PDS5B: variants seen among roughly 807,000 people sequenced by gnomAD.
The protein encoded by PDS5B is PDS5 cohesin associated factor B.
PDS5B carries 51 observed loss-of-function variants against 184.1 expected under a neutral mutation model. The ratio of observed to expected loss-of-function variants is 0.28; its 90% confidence interval spans 0.22 to 0.35. The LOEUF is 0.35. Among genes scored for constraint, PDS5B ranks in the 10% least tolerant of loss-of-function variants. PDS5B has a pLI of 1.00. For missense variants in PDS5B, 1,180 were observed against 1,723.3 expected (o/e 0.68, Z 5.58); for synonymous variants, 566 against 569.2 (o/e 0.99, Z 0.08).
intron 1 of PDS5B, among the ~76,000 whole-genome samples, chr13:32,640,085 G>A (rs1469341269): frequency 1.3e-5 from 2 of 151,886 alleles, no homozygotes; most frequent in Non-Finnish European, 2.9e-5. Flanking sequence ...ACAGTCTCTT[G>A]TTTAGTTACA....
chr13:32,696,640 A>G (rs919677524), intron 14 of PDS5B, among the ~76,000 whole-genome samples: 11 of 152,082 alleles, frequency 7.2e-5, no homozygotes, highest in Non-Finnish European at 2.9e-5. Context: ...CAACAGGGTG[A>G]GGGAAGACAT....
At chr13:32,608,845 G>A (rs764719729) in intron 1 of PDS5B, among the ~76,000 whole-genome samples, 1 of 152,186 alleles carries the variant, frequency 6.6e-6, no homozygotes, top group Non-Finnish European at 1.5e-5. Flanking sequence ...CACCGAAGGT[G>A]AACCAAAAGA....
intron 21 of PDS5B, among the ~76,000 whole-genome samples, chr13:32,738,684 C>CT (rs1307130785): frequency 5.4e-5 from 8 of 148,746 alleles, no homozygotes; most frequent in Non-Finnish European, 9.0e-5. Flanking sequence ...CTTTTTTTTT[C>CT]TTTTTGAGAT....
intron 14 of PDS5B, among the ~76,000 whole-genome samples, chr13:32,694,623 C>T (rs1208521026): frequency 6.6e-6 from 1 of 151,752 alleles, no homozygotes; most frequent in African/African-American, 2.4e-5. Context: ...AAAGAAATTG[C>T]ACTTTATGTT....
chr13:32,731,293 A>G (rs1162716873), intron 19 of PDS5B, among the ~76,000 whole-genome samples: 1 of 152,146 alleles, frequency 6.6e-6, no homozygotes, highest in Admixed American at 6.5e-5. Flanking sequence ...AGATGTTTGT[A>G]TAATAGTTTA....
At chr13:32,625,837 T>G (rs1268707169) in intron 1 of PDS5B, among the ~76,000 whole-genome samples, 1 of 135,702 alleles carries the variant, frequency 7.4e-6, no homozygotes, top group Non-Finnish European at 1.6e-5. Context: ...AGACCAGTAT[T>G]CTTTTTTTTT....
In PDS5B at chr13:32,683,974, T is replaced by C. The variant is rs1188449989; in HGVS notation, c.1154T>C (p.Val385Ala). The change falls in exon 11 of 35, where the codon GTC becomes GCC. Residue 385 changes from valine to alanine, a missense_variant. Physicochemically the swap from Val to Ala is moderately conservative, Grantham distance 64 (BLOSUM62 0). This residue lies in a region of PDS5B where 475 missense variants were observed against 691.5 expected (regional missense o/e 0.69). Coordinates refer to ENST00000315596, the MANE Select transcript of PDS5B (RefSeq NM_015032.4). ...GCTGCTAAAAAGGATATTCTTCTGG[T>C]CAATGATCACTTACTTAATTTTGTG... ...VTAAKKDILLVNDHLLNFVRE... is the reference protein window; with the variant it reads ...VTAAKKDILLANDHLLNFVRE... The C allele has an allele frequency of 6.3e-7, 1 of 1,587,208 alleles. No individual in the cohort carries two copies. Among genetic ancestry groups the C allele is most frequent in the South Asian group, 1.1e-5 (1 of 89,524 alleles).
intron 33 of PDS5B, among the ~76,000 whole-genome samples, chr13:32,772,143 G>A (rs1013451291): frequency 3.3e-5 from 5 of 151,916 alleles, no homozygotes; most frequent in Non-Finnish European, 4.4e-5. Context: ...CATTAATCTC[G>A]AAAAACCAAA....
intron 1 of PDS5B, among the ~76,000 whole-genome samples, chr13:32,602,803 A>G (rs1384242781): frequency 2.0e-5 from 3 of 152,054 alleles, no homozygotes; most frequent in African/African-American, 7.2e-5. Context: ...CGGGTGTGAC[A>G]TGGTATTTCA....
At chr13:32,699,005 G>A (rs1202725084) in intron 15 of PDS5B, among the ~76,000 whole-genome samples, 3 of 151,938 alleles carry the variant, frequency 2.0e-5, no homozygotes, top group East Asian at 3.8e-4. Flanking sequence ...CTCCTGCCTC[G>A]GCCTCACAAA....
In PDS5B at chr13:32,753,471, G is replaced by A; in HGVS notation, c.2876G>A (p.Arg959Lys). 1 of 1,613,926 alleles carries A rather than the reference G, an allele frequency of 6.2e-7. No homozygotes were observed. Residue 959 changes from arginine to lysine, a missense_variant, in exon 25 of 35, where the codon AGG becomes AAG. By Grantham distance (26) the Arg-to-Lys change is conservative. Coordinates refer to ENST00000315596, the MANE Select transcript of PDS5B (RefSeq NM_015032.4). ...GTAAAGGAGAGAAGAGCTCATGCTA[G>A]GCAATGTTTGGTGAAAAATATAAAT... The part of the protein sequence containing the change: ...DPVKERRAHA[R>K]QCLVKNINVR...
chr13:32,732,279 TA>T, intron 20 of PDS5B, 55 bp downstream of exon 20: 2 of 1,216,504 alleles, frequency 1.6e-6, no homozygotes, highest in South Asian at 2.7e-5. Flanking sequence ...ACAAAACAAA[TA>T]TTGATGATTT....
intron 1 of PDS5B, among the ~76,000 whole-genome samples, chr13:32,608,569 T>C (rs1285050426): frequency 2.6e-5 from 4 of 152,188 alleles, no homozygotes; most frequent in African/African-American, 4.8e-5. Context: ...GAAGGGACGA[T>C]AGACATGAAG....
intron 13 of PDS5B, among the ~76,000 whole-genome samples, chr13:32,691,734 G>A (rs117491256): frequency 0.013 from 2,023 of 152,240 alleles, 22 homozygotes; most frequent in Non-Finnish European, 0.019. Flanking sequence ...ATAGCTAGGA[G>A]TGGAGTTTCT....
chr13:32,677,216 T>C (rs906103389), intron 9 of PDS5B, among the ~76,000 whole-genome samples: 7 of 152,026 alleles, frequency 4.6e-5, no homozygotes, highest in Non-Finnish European at 1.0e-4. Flanking sequence ...TTCTTTTAAA[T>C]ACAATGGAAA....
chr13:32,692,868 A>G (rs1951595671), intron 13 of PDS5B, among the ~76,000 whole-genome samples: 1 of 149,488 alleles, frequency 6.7e-6, no homozygotes, highest in South Asian at 2.1e-4. Flanking sequence ...TAAACATGTT[A>G]TAATACAAGT....
rs575547797 is a variant in PDS5B, at chr13:32,742,642, C to T, written c.2527C>T (p.His843Tyr). ...VRWLLGMKNN[H>Y]SKSGTSTLRL... ...ATGGCTACTTGGAATGAAAAATAAT[C>T]ACAGTAAATCAGGAACTTCTACCTT... is the stretch of plus-strand genomic sequence containing the variant. The change falls in exon 23 of 35, where the codon CAC becomes TAC. Residue 843 changes from histidine to tyrosine, a missense_variant. By Grantham distance (83) the His-to-Tyr change is moderately conservative (BLOSUM62 2). Transcript: ENST00000315596. 1.6e-5 allele frequency: 26 copies of T among 1,610,626 alleles called. No individual in the cohort carries two copies. Among genetic ancestry groups the T allele is most frequent in the Admixed American group, 1.0e-4 (6 of 59,940 alleles).
At chr13:32,638,609 C>G (rs2058603526) in intron 1 of PDS5B, among the ~76,000 whole-genome samples, 1 of 151,924 alleles carries the variant, frequency 6.6e-6, no homozygotes, top group African/African-American at 2.4e-5. Context: ...CCCTTCCTGC[C>G]TGAATGCCTT....
chr13:32,727,468 T>C (rs1319437192), intron 19 of PDS5B, among the ~76,000 whole-genome samples: 1 of 152,102 alleles, frequency 6.6e-6, no homozygotes, highest in African/African-American at 2.4e-5. Context: ...CTCTTTTTAA[T>C]ATTTCTTGAT....
Sources: gnomAD v4.1 joint callset for allele counts (sites outside exome capture counted in the v4.1 genomes callset) on GRCh38, gnomAD v4.1.1 for gene constraint, gnomAD v4.1.1 regional missense constraint, MANE v1.5 for transcripts, NCBI Gene and HGNC (gene_info 2026-07-23, HGNC 2026-07-21) for gene names.